Variants in SMYD1 observed in about 807,000 individuals in gnomAD.
SMYD1 encodes the protein SET and MYND domain containing 1.
Under a neutral mutation model 54.0 loss-of-function variants are expected in SMYD1, and 49 were observed. The observed-to-expected ratio is 0.91, with a 90% CI of 0.72 to 1.15. The LOEUF (loss-of-function observed/expected upper bound fraction) is 1.15, where lower values mean the gene tolerates loss of function less well. SMYD1 is among the 50% of genes most tolerant of loss of function. The pLI, the probability that SMYD1 is intolerant of heterozygous loss-of-function variation, is 0.00. For synonymous variants in SMYD1, 269 were observed against 234.2 expected (o/e 1.15, Z -1.36); for missense variants, 653 against 639.6 (o/e 1.02, Z -0.23).
chr2:88,084,030 G>C (rs922067254), intron 1 of SMYD1, among the ~76,000 whole-genome samples: 13 of 152,244 alleles, frequency 8.5e-5, no homozygotes, highest in Admixed American at 1.3e-4. Flanking sequence ...GGAGGCGGAG[G>C]TTGCAGTGAG....
At chr2:88,074,243 G>A (rs763829817) in intron 1 of SMYD1, among the ~76,000 whole-genome samples, 1 of 152,200 alleles carries the variant, frequency 6.6e-6, no homozygotes, top group African/African-American at 2.4e-5. Flanking sequence ...TTATCTTATA[G>A]TTCTGGAGGT....
At chr2:88,073,355 G>A (rs1288572906) in intron 1 of SMYD1, among the ~76,000 whole-genome samples, 1 of 152,196 alleles carries the variant, frequency 6.6e-6, no homozygotes, top group Non-Finnish European at 1.5e-5. Flanking sequence ...ACTGTGGATA[G>A]TGCTGTGATA....
At chr2:88,108,726 T>C (rs1674943607) in intron 9 of SMYD1, among the ~76,000 whole-genome samples, 187 bp downstream of exon 9, 1 of 152,176 alleles carries the variant, frequency 6.6e-6, no homozygotes, top group Non-Finnish European at 1.5e-5. Context: ...AATGAATACC[T>C]GAGACTGGGT....
intron 6 of SMYD1, among the ~76,000 whole-genome samples, chr2:88,100,627 A>G (rs1324094881): frequency 6.6e-6 from 1 of 152,164 alleles, no homozygotes; most frequent in Non-Finnish European, 1.5e-5. Flanking sequence ...CAGGCAAGAC[A>G]TGGGCTTAAT....
chr2:88,072,780 G>A (rs564971099), intron 1 of SMYD1, among the ~76,000 whole-genome samples: 5 of 152,206 alleles, frequency 3.3e-5, no homozygotes, highest in Non-Finnish European at 7.4e-5. Context: ...TTTGTAACCT[G>A]TTTTATTTAC....
chr2:88,083,663 T>G (rs1263841333), intron 1 of SMYD1, among the ~76,000 whole-genome samples: 1 of 152,254 alleles, frequency 6.6e-6, no homozygotes, highest in Non-Finnish European at 1.5e-5. Context: ...TTCACCACAC[T>G]GCAAGTTCAA....
intron 1 of SMYD1, among the ~76,000 whole-genome samples, chr2:88,073,816 T>C (rs1234137109): frequency 4.0e-4 from 61 of 152,246 alleles, no homozygotes; most frequent in Non-Finnish European, 2.1e-4. Flanking sequence ...TGTTTTAACT[T>C]GAATTTTTTA....
In SMYD1 at chr2:88,096,645, T is replaced by C. The variant is rs1464429202; in HGVS notation, c.749T>C (p.Val250Ala). 6.2e-7 allele frequency: 1 copy of C among 1,614,152 alleles called. No individual in the cohort carries two copies. Among genetic ancestry groups the C allele is most frequent in the African/African-American group, 1.3e-5 (1 of 75,056 alleles). Residue 250 changes from valine to alanine, a missense_variant, in exon 6 of 10, where the codon GTG becomes GCG. Physicochemically the swap from Val to Ala is moderately conservative, Grantham distance 64. Transcript: ENST00000419482. The part of the protein sequence containing the change: ...GKISEGEELT[V>A]SYIDFLNVSE... ...ATCTCAGAAGGAGAGGAGCTGACTG[T>C]GTCCTATATTGACTTCCTCAACGTT...
At chr2:88,070,488 T>C (rs1673921603) in intron 1 of SMYD1, among the ~76,000 whole-genome samples, 2 of 151,986 alleles carry the variant, frequency 1.3e-5, no homozygotes, top group East Asian at 3.9e-4. Flanking sequence ...ATATGTTATA[T>C]TGTATATATT....
chr2:88,079,770 G>A (rs530508431), intron 1 of SMYD1, among the ~76,000 whole-genome samples: 7 of 152,266 alleles, frequency 4.6e-5, no homozygotes, highest in Middle Eastern at 3.4e-3. Context: ...GCAGTGAGCC[G>A]AGATCATGTC....
At chr2:88,099,312 C>T (rs1337701416) in intron 6 of SMYD1, among the ~76,000 whole-genome samples, 1 of 151,794 alleles carries the variant, frequency 6.6e-6, no homozygotes. Context: ...TCTCAAATTC[C>T]TGGCCTCAAG....
At position 88,108,478 on chromosome 2, in the gene SMYD1, A is replaced by G. The variant is rs140333687; in HGVS notation, c.1253A>G (p.Lys418Arg). The G allele has an allele frequency of 6.6e-4, 1,071 of 1,612,000 alleles. No individual in the cohort carries two copies. Among genetic ancestry groups the G allele is most frequent in the Non-Finnish European group, 8.4e-4 (987 of 1,179,202 alleles). The change falls in exon 9 of 10, where the codon AAA becomes AGA. Residue 418 changes from lysine (K) to arginine (R), a missense_variant. By Grantham distance (26) the Lys-to-Arg change is conservative. Coordinates refer to ENST00000419482, the MANE Select transcript of SMYD1 (RefSeq NM_198274.4). ...NIEVGHGMIC[K>R]AYAILLVTHG... ...GAGGTGGGGCACGGGATGATCTGCA[A>G]AGCCTATGCCATTCTCCTGGTGACA...
intron 7 of SMYD1, 71 bp from the exon 8 acceptor site, chr2:88,106,254 A>T: frequency 6.4e-7 from 1 of 1,563,554 alleles, no homozygotes; most frequent in Non-Finnish European, 8.7e-7. Context: ...TATCACCATG[A>T]TGGTCGCGTA....
rs770157477 is a variant in SMYD1, at chr2:88,103,189, G to C, written c.981+39G>C. On this transcript the variant is annotated intron_variant, in intron 7 of 9. Coordinates refer to ENST00000419482, the MANE Select transcript of SMYD1 (RefSeq NM_198274.4). ...TGTTATAGAGGATGGGGGTAGAAAG[G>C]AGGGTGGAAACATTCTCCAGTAAGG... is the stretch of plus-strand genomic sequence containing the variant. The C allele has an allele frequency of 5.1e-6, 8 of 1,577,470 alleles. No homozygotes were observed. The East Asian group carries it at 1.8e-4, about 35-fold the overall frequency.
Position 88,103,100 on chromosome 2 carries a change from GATAC to G in SMYD1, c.934_937del (p.Thr312TrpfsTer4). 1 of 1,614,106 alleles carries G rather than the reference GATAC, an allele frequency of 6.2e-7. No individual in the cohort carries two copies. Among genetic ancestry groups the G allele is most frequent in the Non-Finnish European group, 8.5e-7 (1 of 1,180,006 alleles). ...GAAGGAGATGATACAATTCTCCAAGGATACATTGGAAAAGATAGACAAGGCTCGT... is the reference window on the plus strand; with the variant it reads ...GAAGGAGATGATACAATTCTCCAAGGATTGGAAAAGATAGACAAGGCTCGT... On this transcript the variant is annotated frameshift_variant, in exon 7 of 10. Coordinates refer to ENST00000419482, the MANE Select transcript of SMYD1 (RefSeq NM_198274.4). LOFTEE classifies it high-confidence loss of function.
In SMYD1 at chr2:88,067,901, A is replaced by G. The variant is rs765237588; in HGVS notation, c.37A>G (p.Thr13Ala). 1.2e-6 allele frequency: 2 copies of G among 1,614,014 alleles called. No homozygotes were observed. Among genetic ancestry groups the G allele is most frequent in the South Asian group, 2.2e-5 (2 of 91,068 alleles). ...GAGAATGGAGAACGTGGAGGTCTTC[A>G]CCGCTGAGGGCAAAGGAAGGGGTCT... ...IGRMENVEVF[T>A]AEGKGRGLKA... is the part of the protein sequence containing the mutation. The change falls in exon 1 of 10, where the codon ACC (threonine) becomes GCC (alanine). Residue 13 changes from threonine to alanine, a missense_variant. By Grantham distance (58) the Thr-to-Ala change is moderately conservative. Coordinates refer to ENST00000419482, the MANE Select transcript of SMYD1 (RefSeq NM_198274.4).
At chr2:88,096,980 G>A (rs1468023141) in intron 6 of SMYD1, among the ~76,000 whole-genome samples, 196 bp downstream of exon 6, 5 of 152,202 alleles carry the variant, frequency 3.3e-5, no homozygotes, top group Admixed American at 3.3e-4. Context: ...CACTTGCCAG[G>A]TGTTTGAGTT....
At chr2:88,089,501 T>C (rs1000678241) in intron 3 of SMYD1, among the ~76,000 whole-genome samples, 1 of 151,568 alleles carries the variant, frequency 6.6e-6, no homozygotes, top group Non-Finnish European at 1.5e-5. Context: ...AGGGGTTACA[T>C]GACCTCCAAA....
At chr2:88,106,095 C>T (rs948491760) in intron 7 of SMYD1, among the ~76,000 whole-genome samples, 11 of 152,154 alleles carry the variant, frequency 7.2e-5, no homozygotes, top group South Asian at 2.1e-4. Context: ...GGAAACTCCT[C>T]GCTGTGCTGC....
Sources: gnomAD v4.1 joint callset for allele counts (sites outside exome capture counted in the v4.1 genomes callset) on GRCh38, gnomAD v4.1.1 for gene constraint, MANE v1.5 for transcripts, NCBI Gene and HGNC (gene_info 2026-07-23, HGNC 2026-07-21) for gene names.